Variants in SLC35F4 observed in about 807,000 individuals in gnomAD.
SLC35F4 encodes solute carrier family 35 member F4.
A neutral mutation model predicts 44.2 loss-of-function variants in SLC35F4; 24 were observed. That is an observed-to-expected ratio of 0.54 (90% CI 0.39 to 0.76). The LOEUF (loss-of-function observed/expected upper bound fraction) is 0.76. Among genes scored for constraint, SLC35F4 ranks in the 30% least tolerant of loss-of-function variants. The pLI, the probability that SLC35F4 is intolerant of heterozygous loss-of-function variation, is 0.00. For synonymous variants in SLC35F4, 238 were observed against 223.6 expected, an observed-to-expected ratio of 1.06 and a Z score of -0.57; for missense variants, 562 against 586.1, an observed-to-expected ratio of 0.96 and a Z score of 0.42.
At chr14:57,955,505 T>C (rs1006164231) in intron 1 of SLC35F4, among the ~76,000 whole-genome samples, 2 of 152,216 alleles carry the variant, frequency 1.3e-5, no homozygotes, top group African/African-American at 4.8e-5. Context: ...AAATTGTCTC[T>C]GTTTGCAGAT....
intron 1 of SLC35F4, among the ~76,000 whole-genome samples, chr14:57,626,472 A>C (rs1221360825): frequency 1.3e-5 from 2 of 152,138 alleles, no homozygotes; most frequent in Admixed American, 1.3e-4. Flanking sequence ...GGAGCTCTTT[A>C]TCTGGGGTCC....
chr14:57,882,180 C>G (rs1209316834), intron 1 of SLC35F4, among the ~76,000 whole-genome samples: 2 of 152,158 alleles, frequency 1.3e-5, no homozygotes, highest in Non-Finnish European at 2.9e-5. Flanking sequence ...CTGGATCCAT[C>G]CCCCTTCCCC....
chr14:57,915,807 A>G (rs569247135), intron 1 of SLC35F4, among the ~76,000 whole-genome samples: 9 of 152,306 alleles, frequency 5.9e-5, no homozygotes, highest in African/African-American at 2.2e-4. Context: ...AAGAAGATTC[A>G]GACTTTTTCC....
Position 57,578,325 on chromosome 14 carries a change from G to GTTTTTTT in SLC35F4, c.807+2882_807+2888dup, listed in dbSNP as rs199785589. 5.2e-3 allele frequency among the ~76,000 whole-genome samples: 225 copies of GTTTTTTT among 43,160 alleles called. 69 individuals carry two copies. The highest frequency in any genetic ancestry group is 8.1e-3 in the Non-Finnish European group (177 of 21,762). 28.3% of individuals were successfully genotyped at this position (43,160 alleles called of 152,430 possible). On this transcript the variant is annotated intron_variant, in intron 4 of 7. Coordinates refer to ENST00000556826, the MANE Select transcript of SLC35F4 (RefSeq NM_001306087.2). The stretch of plus-strand genomic sequence containing the variant: ...GATGACTGAAAGCATCCCTTTAACT[G>GTTTTTTT]TTTTTTTTTTTTTTTTTTTTTTTTT...
At chr14:57,668,785 T>C (rs949170561) in intron 1 of SLC35F4, among the ~76,000 whole-genome samples, 10 of 152,118 alleles carry the variant, frequency 6.6e-5, no homozygotes, top group African/African-American at 2.4e-4. Context: ...CTTTGTTCTT[T>C]TGGCTTAGGA....
intron 1 of SLC35F4, among the ~76,000 whole-genome samples, chr14:57,803,672 C>T (rs1242407194): frequency 1.3e-5 from 2 of 148,206 alleles, no homozygotes; most frequent in African/African-American, 5.0e-5. Flanking sequence ...TCATTGCAAC[C>T]TCTGCCTCCT....
intron 1 of SLC35F4, among the ~76,000 whole-genome samples, chr14:57,835,562 AAGAAAG>A (rs1448203733): frequency 2.0e-5 from 3 of 152,236 alleles, no homozygotes; most frequent in African/African-American, 7.2e-5. Context: ...TGTGACTGAC[AAGAAAG>A]AGAAAGAGGA....
At chr14:57,630,689 A>C in intron 1 of SLC35F4, 1 of 606,170 alleles carries the variant, frequency 1.6e-6, no homozygotes, top group Non-Finnish European at 3.0e-6. Context: ...GTGGCCATTG[A>C]CAGTATAAAC....
At chr14:57,921,110 T>G (rs1380403948) in intron 1 of SLC35F4, among the ~76,000 whole-genome samples, 1 of 152,222 alleles carries the variant, frequency 6.6e-6, no homozygotes, top group Non-Finnish European at 1.5e-5. Flanking sequence ...CAGGAGATTG[T>G]TCATCTCACT....
chr14:57,887,807 A>G (rs1317245289), intron 1 of SLC35F4, among the ~76,000 whole-genome samples: 1 of 152,188 alleles, frequency 6.6e-6, no homozygotes, highest in Non-Finnish European at 1.5e-5. Context: ...CTCAACAGCG[A>G]TACAAAGTCA....
downstream of SLC35F4, among the ~76,000 whole-genome samples, chr14:57,973,969 G>A (rs745471609): frequency 5.9e-5 from 9 of 152,122 alleles, no homozygotes; most frequent in Non-Finnish European, 1.0e-4. Flanking sequence ...GAGTACTCCA[G>A]TTGTCTATTG....
At chr14:57,569,738 C>T (rs762132593) in intron 6 of SLC35F4, 50 bp downstream of exon 6, 1 of 1,475,578 alleles carries the variant, frequency 6.8e-7, no homozygotes. Flanking sequence ...TCTAACTAGC[C>T]AAAGAAAGAT....
At chr14:57,942,468 T>C (rs1016724504) in intron 1 of SLC35F4, among the ~76,000 whole-genome samples, 1 of 152,214 alleles carries the variant, frequency 6.6e-6, no homozygotes, top group African/African-American at 2.4e-5. Context: ...TAACTTCAGA[T>C]GACTTTTTTT....
chr14:57,648,809 G>A (rs1161701836), intron 1 of SLC35F4, among the ~76,000 whole-genome samples: 1 of 152,164 alleles, frequency 6.6e-6, no homozygotes, highest in Non-Finnish European at 1.5e-5. Context: ...TCTCACATTA[G>A]CTGTCAGATA....
At chr14:57,656,589 C>G (rs758174836) in intron 1 of SLC35F4, among the ~76,000 whole-genome samples, 8 of 151,970 alleles carry the variant, frequency 5.3e-5, no homozygotes, top group Non-Finnish European at 1.0e-4. Context: ...AGTTCTTTAG[C>G]TAAAGGATGT....
intron 1 of SLC35F4, among the ~76,000 whole-genome samples, chr14:57,652,108 T>C (rs1309079657): frequency 1.3e-5 from 2 of 152,304 alleles, no homozygotes; most frequent in East Asian, 3.9e-4. Flanking sequence ...GCCTGTAACA[T>C]GAATTTTAAA....
chr14:57,941,299 T>C (rs1023151942), intron 1 of SLC35F4, among the ~76,000 whole-genome samples: 4 of 152,200 alleles, frequency 2.6e-5, no homozygotes, highest in Non-Finnish European at 1.5e-5. Flanking sequence ...TGTCCATTAA[T>C]GGATAAATGG....
intron 1 of SLC35F4, among the ~76,000 whole-genome samples, chr14:57,876,161 A>G (rs1482679553): frequency 2.0e-5 from 3 of 152,210 alleles, no homozygotes; most frequent in Non-Finnish European, 4.4e-5. Context: ...CTGGGTCTGC[A>G]TAATGTTGGT....
intron 1 of SLC35F4, among the ~76,000 whole-genome samples, chr14:57,944,638 G>A (rs865911072): frequency 4.6e-5 from 6 of 129,680 alleles, no homozygotes; most frequent in East Asian, 2.2e-4. Context: ...AAAGAAAAAA[G>A]AAAAGAGGCA....
Sources: gnomAD v4.1 joint callset for allele counts (sites outside exome capture counted in the v4.1 genomes callset) on GRCh38, gnomAD v4.1.1 for gene constraint, MANE v1.5 for transcripts, NCBI Gene and HGNC (gene_info 2026-07-23, HGNC 2026-07-21) for gene names.